Variants in ARMC2 observed in about 807,000 individuals in gnomAD.
ARMC2 encodes the protein armadillo repeat containing 2.
In ARMC2, 67 loss-of-function variants were observed where a neutral mutation model predicts 90.3. The observed-to-expected ratio is 0.74, with a 90% CI of 0.61 to 0.91. The LOEUF is 0.91. ARMC2 is among the 40% of genes least tolerant of loss of function. ARMC2 has a pLI of 0.00. For missense variants in ARMC2, 920 were observed against 1,030.9 expected, an observed-to-expected ratio of 0.89 and a Z score of 1.47; for synonymous variants, 393 against 393.0, an observed-to-expected ratio of 1.00 and a Z score of 0.00.
intron 8 of ARMC2, among the ~76,000 whole-genome samples, chr6:108,908,763 AAAGAG>A (rs1347356961): frequency 2.0e-5 from 3 of 152,052 alleles, no homozygotes; most frequent in African/African-American, 7.2e-5. Flanking sequence ...AAAAAAAAGA[AAAGAG>A]AGAGAGAGAG....
the ARMC2 span, among the ~76,000 whole-genome samples, chr6:108,995,306 G>C: frequency 6.6e-6 from 1 of 152,286 alleles, no homozygotes; most frequent in Admixed American, 6.5e-5. Context: ...TGCATCAACT[G>C]TGTACACTGG....
rs529302963 is a variant in ARMC2 at position 108,858,384 on chromosome 6, A to C, written c.291+113A>C. 80 of 597,732 alleles carry C rather than the reference A, an allele frequency of 1.3e-4. 5 individuals carry two copies. In the South Asian group the frequency reaches 2.4e-3, roughly 18 times the overall value. The allele number at this position is 597,732 out of a possible 1,614,324, so 37.0% of individuals were successfully genotyped here. A position where few individuals can be genotyped will look rare whatever the true frequency, so the allele number is the denominator to read the frequency against. On this transcript the variant is annotated intron_variant, in intron 3 of 17. Coordinates refer to ENST00000392644, the MANE Select transcript of ARMC2 (RefSeq NM_032131.6). Reference sequence around the variant, plus strand: ...CTATGATAATTATCATGTACACCTAAATAGACTAATAATTTAATATGAAAA... The same window carrying C: ...CTATGATAATTATCATGTACACCTACATAGACTAATAATTTAATATGAAAA...
chr6:109,019,224 C>A, the ARMC2 span, among the ~76,000 whole-genome samples: 1 of 152,120 alleles, frequency 6.6e-6, no homozygotes, highest in Non-Finnish European at 1.5e-5. Context: ...CAGACACACA[C>A]CCCTCATGAT....
chr6:108,938,271 T>C (rs1389139542), intron 12 of ARMC2, among the ~76,000 whole-genome samples: 1 of 152,140 alleles, frequency 6.6e-6, no homozygotes, highest in African/African-American at 2.4e-5. Flanking sequence ...CCCCAAAACA[T>C]AATCTCTGTT....
the ARMC2 span, among the ~76,000 whole-genome samples, chr6:108,989,534 GAT>G: frequency 1.5e-4 from 15 of 103,290 alleles, no homozygotes; most frequent in Non-Finnish European, 2.4e-4. Flanking sequence ...TATCTATAGA[GAT>G]AGAGATATCT....
At chr6:108,900,119 T>G (rs1337819198) in intron 7 of ARMC2, among the ~76,000 whole-genome samples, 2 of 152,180 alleles carry the variant, frequency 1.3e-5, no homozygotes, top group African/African-American at 4.8e-5. Context: ...CTCTTCATAC[T>G]CAAGAAAGTA....
At position 108,885,185 on chromosome 6, in the gene ARMC2, TTAA is replaced by T. The variant is rs532790339; in HGVS notation, c.671+8842_671+8844del. On this transcript the variant is annotated intron_variant, in intron 5 of 17. Transcript: ENST00000392644. The stretch of plus-strand genomic sequence containing the variant: ...TAATCGTGTATATATATATAGAACT[TTAA>T]TAATAACCAGTTAGTGATTATTAAA... 4.3e-3 allele frequency among the ~76,000 whole-genome samples: 651 copies of T among 152,056 alleles called. 3 individuals carry two copies. The highest frequency in any genetic ancestry group is 0.015 in the African/African-American group (611 of 41,456).
In ARMC2 at chr6:108,869,121, T is replaced by C. The variant is rs1002356342; in HGVS notation, c.463+126T>C. The C allele has an allele frequency of 3.8e-6, 4 of 1,042,952 alleles. No homozygotes were observed. The African/African-American group carries it at 6.6e-5, about 17-fold the overall frequency. The allele number at this position is 1,042,952 out of a possible 1,614,324, so 64.6% of individuals were successfully genotyped here. A position where few individuals can be genotyped will look rare whatever the true frequency, so the allele number is the denominator to read the frequency against. On this transcript the variant is annotated intron_variant, in intron 4 of 17. Transcript: ENST00000392644. ...TTTTATATTAACTAAGATTAGTTAATATTGGGCAAAAGCTGGCTAAGAAAC... is the reference window on the plus strand; with the variant it reads ...TTTTATATTAACTAAGATTAGTTAACATTGGGCAAAAGCTGGCTAAGAAAC...
rs900939899 is a variant in ARMC2, at chr6:108,905,921, T to C, written c.1023+1516T>C. Among the ~76,000 whole-genome samples, 4 of 152,280 alleles carry C rather than the reference T, an allele frequency of 2.6e-5. No individual in the cohort carries two copies. In the East Asian group the frequency reaches 7.7e-4, roughly 29 times the overall value. Reference sequence around the variant, plus strand: ...GCCAACTTCCCATCTACTGCCTGGATCTCCTGTAACATTCCAGACAAGATC... The same window carrying C: ...GCCAACTTCCCATCTACTGCCTGGACCTCCTGTAACATTCCAGACAAGATC... On this transcript the variant is annotated intron_variant, in intron 8 of 17. Transcript: ENST00000392644.
chr6:108,985,886 G>GAAGAT, the ARMC2 span, among the ~76,000 whole-genome samples: 1 of 152,208 alleles, frequency 6.6e-6, no homozygotes, highest in East Asian at 1.9e-4. Flanking sequence ...AAAACATATT[G>GAAGAT]AAGATAATAA....
chr6:108,951,599 G>A lies in ARMC2; in HGVS notation c.1597-1434G>A, dbSNP rs1562421804. ...TCAGGGAAAACTTTTGGATTTTTTA[G>A]CAAGAACAAGCAGGAACAAGTTGGT... On this transcript the variant is annotated intron_variant, in intron 12 of 17. Coordinates refer to ENST00000392644, the MANE Select transcript of ARMC2 (RefSeq NM_032131.6). 3.3e-5 allele frequency among the ~76,000 whole-genome samples: 5 copies of A among 152,180 alleles called. No homozygotes were observed. In the South Asian group the frequency reaches 1.0e-3, roughly 32 times the overall value.
chr6:109,002,177 A>G, the ARMC2 span: 1 of 1,005,838 alleles, frequency 9.9e-7, no homozygotes, highest in Non-Finnish European at 1.5e-6. Flanking sequence ...TCTGACTAAA[A>G]CATGTTGTTG....
At chr6:108,852,464 A>G (rs1582911450) in intron 1 of ARMC2, among the ~76,000 whole-genome samples, 1 of 152,326 alleles carries the variant, frequency 6.6e-6, no homozygotes, top group East Asian at 1.9e-4. Flanking sequence ...CATTGTTTCT[A>G]TCAGTATAGT....
chr6:108,943,268 G>A (rs559247274), intron 12 of ARMC2, among the ~76,000 whole-genome samples: 82 of 151,998 alleles, frequency 5.4e-4, no homozygotes, highest in Non-Finnish European at 1.1e-3. Context: ...TTATATATTC[G>A]AGTATATAAA....
chr6:108,917,426 C>T (rs1051938087), intron 10 of ARMC2, among the ~76,000 whole-genome samples: 10 of 152,188 alleles, frequency 6.6e-5, no homozygotes, highest in East Asian at 1.9e-4. Context: ...TTCCTTCACT[C>T]GGTTCCTTCC....
chr6:108,994,140 TAA>T, the ARMC2 span, among the ~76,000 whole-genome samples: 833 of 100,250 alleles, frequency 8.3e-3, 7 homozygotes, highest in African/African-American at 0.03. Flanking sequence ...CCCTGTTTCT[TAA>T]AAAAAAAAAA....
intron 10 of ARMC2, among the ~76,000 whole-genome samples, chr6:108,921,132 T>C (rs1282400951): frequency 6.6e-6 from 1 of 152,240 alleles, no homozygotes; most frequent in Non-Finnish European, 1.5e-5. Context: ...TAATGCACTA[T>C]CTTTTTCAGA....
At chr6:108,977,664 C>T (rs1458178150), downstream of ARMC2, among the ~76,000 whole-genome samples, 3 of 152,132 alleles carry the variant, frequency 2.0e-5, no homozygotes, top group Non-Finnish European at 4.4e-5. Context: ...TAATTGCTGC[C>T]TCAATTTCAG....
At chr6:109,052,833 C>T in the ARMC2 span, among the ~76,000 whole-genome samples, 8 of 152,130 alleles carry the variant, frequency 5.3e-5, no homozygotes, top group African/African-American at 1.7e-4. Context: ...CTACACTCGA[C>T]AAATATTTAT....
Sources: allele counts gnomAD v4.1 joint callset (sites outside exome capture counted in the v4.1 genomes callset), GRCh38; gene constraint gnomAD v4.1.1; transcripts MANE v1.5; gene names NCBI Gene and HGNC (gene_info 2026-07-23, HGNC 2026-07-21).